ZNF804B: variants seen among roughly 807,000 people sequenced by gnomAD.
ZNF804B encodes zinc finger 804B.
A neutral mutation model predicts 101.4 loss-of-function variants in ZNF804B; 80 were observed. That is an observed-to-expected ratio of 0.79 (90% confidence interval 0.66 to 0.95). The LOEUF (loss-of-function observed/expected upper bound fraction) is 0.95, where lower values mean the gene tolerates loss of function less well. Among genes scored for constraint, ZNF804B ranks in the 40% least tolerant of loss-of-function variants. ZNF804B has a pLI of 0.00. For missense variants in ZNF804B, 1,673 were observed against 1,561.9 expected (o/e 1.07, Z -1.20); for synonymous variants, 622 against 558.8 (o/e 1.11, Z -1.59).
chr7:88,984,519 G>T lies in ZNF804B; in HGVS notation c.108+224435G>T, dbSNP rs533742911. On this transcript the variant is annotated intron_variant, in intron 1 of 3. Transcript: ENST00000333190. ...GTAAGTATATTCATTCTGTGTAACT[G>T]GATGCTAACTTTGACTCTTTCCTCT... Among the ~76,000 whole-genome samples the T allele has an allele frequency of 1.6e-4, 24 of 151,828 alleles. No homozygotes were observed. In the South Asian group the frequency reaches 4.6e-3, roughly 29 times the overall value.
intron 1 of ZNF804B, among the ~76,000 whole-genome samples, chr7:88,769,979 G>C (rs1308678631): frequency 6.6e-6 from 1 of 152,138 alleles, no homozygotes; most frequent in Non-Finnish European, 1.5e-5. Flanking sequence ...ACTCTTAGGA[G>C]TGAAGAGAAT....
chr7:89,200,029 C>T (rs1382398522), intron 1 of ZNF804B, among the ~76,000 whole-genome samples: 1 of 151,018 alleles, frequency 6.6e-6, no homozygotes, highest in African/African-American at 2.4e-5. Context: ...GTGTGGTGCT[C>T]AGAACTGTGC....
intron 1 of ZNF804B, among the ~76,000 whole-genome samples, chr7:89,137,571 G>A (rs1443752480): frequency 6.6e-6 from 1 of 152,102 alleles, no homozygotes; most frequent in Non-Finnish European, 1.5e-5. Flanking sequence ...TCTGGTGGAA[G>A]AAATTTTTAA....
intron 2 of ZNF804B, among the ~76,000 whole-genome samples, chr7:89,219,009 GGACCCAGGAAAAAT>G: frequency 6.6e-6 from 1 of 152,114 alleles, no homozygotes; most frequent in South Asian, 2.1e-4. Context: ...AGGGAAACCA[GGACCCAGGAAAAAT>G]AATGTCTTAT....
intron 1 of ZNF804B, among the ~76,000 whole-genome samples, chr7:89,080,584 T>C (rs1251270884): frequency 6.6e-6 from 1 of 151,952 alleles, no homozygotes; most frequent in African/African-American, 2.4e-5. Context: ...TCCAAGTGAC[T>C]CTTCATAATT....
At chr7:88,781,112 C>A (rs761161936) in intron 1 of ZNF804B, among the ~76,000 whole-genome samples, 20 of 152,086 alleles carry the variant, frequency 1.3e-4, no homozygotes, top group Non-Finnish European at 2.4e-4. Flanking sequence ...AATTTGAGTT[C>A]TTTAAAAAAC....
intron 1 of ZNF804B, among the ~76,000 whole-genome samples, chr7:89,120,348 C>A (rs1488970921): frequency 6.6e-6 from 1 of 151,818 alleles, no homozygotes; most frequent in Admixed American, 6.6e-5. Context: ...AACACACTTA[C>A]CAAAGATTTC....
At chr7:89,285,837 T>G (rs1241468420) in intron 2 of ZNF804B, among the ~76,000 whole-genome samples, 1 of 152,176 alleles carries the variant, frequency 6.6e-6, no homozygotes, top group African/African-American at 2.4e-5. Context: ...AGCTGCCAGT[T>G]TTTGTTTTAC....
intron 1 of ZNF804B, among the ~76,000 whole-genome samples, chr7:88,975,050 C>T (rs998988557): frequency 2.0e-5 from 3 of 151,460 alleles, no homozygotes; most frequent in Admixed American, 1.3e-4. Context: ...CCATGCCTGG[C>T]TTATTTCACT....
At chr7:89,279,999 T>G (rs902476752) in intron 2 of ZNF804B, among the ~76,000 whole-genome samples, 156 of 151,970 alleles carry the variant, frequency 1.0e-3, no homozygotes, top group African/African-American at 3.7e-3. Flanking sequence ...ATTGACCACA[T>G]AGTTGGAAGT....
In ZNF804B at chr7:89,335,169, T is replaced by C. The variant is rs1331440357; in HGVS notation, c.2187T>C (p.His729=). 6.2e-7 allele frequency: 1 copy of C among 1,613,878 alleles called. No homozygotes were observed. The highest frequency in any genetic ancestry group is 1.3e-5 in the African/African-American group (1 of 75,044). Reference sequence around the variant, plus strand: ...GCTTGAGAAGTACTTGTTCAAGTCATAGATTCAATGGTAATAGCAGAGGTA... The same window carrying C: ...GCTTGAGAAGTACTTGTTCAAGTCACAGATTCAATGGTAATAGCAGAGGTA... ...MSSLRSTCSS[H]RFNGNSRGNL... Residue 729 remains histidine, a synonymous_variant, in exon 4 of 4, where the codon CAT becomes CAC. Coordinates refer to ENST00000333190, the MANE Select transcript of ZNF804B (RefSeq NM_181646.5).
chr7:89,278,601 A>G (rs1045576531), intron 2 of ZNF804B, among the ~76,000 whole-genome samples: 6 of 152,196 alleles, frequency 3.9e-5, no homozygotes, highest in African/African-American at 1.4e-4. Context: ...CATTTATTAA[A>G]TAAGGAATCC....
At chr7:88,834,564 A>G (rs1791181285) in intron 1 of ZNF804B, among the ~76,000 whole-genome samples, 1 of 151,756 alleles carries the variant, frequency 6.6e-6, no homozygotes, top group South Asian at 2.1e-4. Context: ...GATTTACTTT[A>G]TAATGATTTA....
chr7:88,995,809 T>C (rs1323619226), intron 1 of ZNF804B, among the ~76,000 whole-genome samples: 2 of 152,148 alleles, frequency 1.3e-5, no homozygotes, highest in African/African-American at 4.8e-5. Context: ...ATATATGCCT[T>C]TGTTATGTTG....
At chr7:89,049,559 G>C (rs1789163282) in intron 1 of ZNF804B, among the ~76,000 whole-genome samples, 1 of 151,906 alleles carries the variant, frequency 6.6e-6, no homozygotes, top group South Asian at 2.1e-4. Flanking sequence ...TAGCACATCT[G>C]GTTTACTTCC....
At chr7:89,035,540 G>T (rs539555812) in intron 1 of ZNF804B, among the ~76,000 whole-genome samples, 2 of 151,966 alleles carry the variant, frequency 1.3e-5, no homozygotes, top group Admixed American at 6.6e-5. Flanking sequence ...TAAATCTTCA[G>T]AATTAAAGCC....
intron 1 of ZNF804B, among the ~76,000 whole-genome samples, chr7:88,788,312 C>T (rs887592761): frequency 1.3e-5 from 2 of 152,094 alleles, no homozygotes; most frequent in South Asian, 4.1e-4. Flanking sequence ...ACCTCACTCC[C>T]CTCTTGCTTC....
chr7:89,206,173 C>T (rs974415848), intron 1 of ZNF804B, among the ~76,000 whole-genome samples: 6 of 152,198 alleles, frequency 3.9e-5, no homozygotes, highest in South Asian at 4.1e-4. Context: ...GGCTTGGGCC[C>T]GGCCCATAAA....
intron 1 of ZNF804B, among the ~76,000 whole-genome samples, chr7:88,858,289 T>A (rs886396953): frequency 6.6e-6 from 1 of 152,210 alleles, no homozygotes; most frequent in Admixed American, 6.5e-5. Context: ...TTCACCAACA[T>A]AAAGCCTCTT....
Sources: gnomAD v4.1 joint callset for allele counts (sites outside exome capture counted in the v4.1 genomes callset) on GRCh38, gnomAD v4.1.1 for gene constraint, MANE v1.5 for transcripts, NCBI Gene and HGNC (gene_info 2026-07-23, HGNC 2026-07-21) for gene names.